Variants in OR1L8 observed in about 807,000 individuals in gnomAD.
OR1L8 encodes olfactory receptor 1L8.
For synonymous variants in OR1L8, 148 were observed against 147.0 expected, an observed-to-expected ratio of 1.01 and a Z score of -0.05; for missense variants, 330 against 377.4, an observed-to-expected ratio of 0.87 and a Z score of 1.04.
rs948904073 is a variant in OR1L8 at position 122,567,359 on chromosome 9, G to A, written c.*189C>T. The A allele has an allele frequency of 3.1e-5, 14 of 454,372 alleles. No individual in the cohort carries two copies. The highest frequency in any genetic ancestry group is 3.0e-4 in the Admixed American group (8 of 26,342). 28.1% of individuals were successfully genotyped at this position (454,372 alleles called of 1,614,324 possible). ...GAAAGAGGAGACACAGACAGGAAAC[G>A]ATTGTGATTTAAGAGATACAGGCCG... is the stretch of plus-strand genomic sequence containing the variant. On this transcript the variant is annotated 3_prime_UTR_variant, in exon 5 of 5. Transcript: ENST00000641027.
intron 4 of OR1L8, among the ~76,000 whole-genome samples, chr9:122,569,725 A>C (rs568611881): frequency 1.5e-4 from 23 of 152,058 alleles, no homozygotes; most frequent in African/African-American, 5.5e-4. Context: ...CATGTGCACA[A>C]TGTGCAAGTT....
chr9:122,579,832 T>G (rs569897290), intron 1 of OR1L8, among the ~76,000 whole-genome samples: 1 of 152,144 alleles, frequency 6.6e-6, no homozygotes, highest in Non-Finnish European at 1.5e-5. Context: ...ACCAGGAAAT[T>G]GAGTGCTTAC....
the OR1L8 span, among the ~76,000 whole-genome samples, chr9:122,558,113 G>C: frequency 3.8e-4 from 58 of 151,606 alleles, no homozygotes; most frequent in African/African-American, 1.4e-3. Context: ...TCCTTAGTTA[G>C]ACTTATTAAT....
chr9:122,550,257 A>G, the OR1L8 span, among the ~76,000 whole-genome samples: 3 of 152,252 alleles, frequency 2.0e-5, no homozygotes, highest in South Asian at 4.1e-4. Context: ...GAATCATACA[A>G]TCTCCCAACA....
At chr9:122,572,725 A>G (rs1259800170) in intron 4 of OR1L8, 55 bp downstream of exon 4, 3 of 152,232 alleles carry the variant, frequency 2.0e-5, no homozygotes, top group South Asian at 4.1e-4. Context: ...CAGAAAGGAA[A>G]GAGAAAGTGC....
chr9:122,568,655 A>T lies in OR1L8; in HGVS notation c.-178T>A. On this transcript the variant is annotated 5_prime_UTR_variant, in exon 5 of 5. The change creates a new upstream start codon in the 5' untranslated region. Coordinates refer to ENST00000641027, the MANE Select transcript of OR1L8 (RefSeq NM_001004454.2). ...TCCTTGATGGGGTCCTCCCTTCCCA[A>T]ATCTATGGGCTCCATAAGGGCATTA... 1.9e-6 allele frequency: 1 copy of T among 531,970 alleles called. No individual in the cohort carries two copies. The highest frequency in any genetic ancestry group is 1.9e-5 in the African/African-American group (1 of 52,824). 33.0% of individuals were successfully genotyped at this position (531,970 alleles called of 1,614,324 possible). A position where few individuals can be genotyped will look rare whatever the true frequency, so the allele number is the denominator to read the frequency against.
the OR1L8 span, chr9:122,554,080 C>G: frequency 6.2e-7 from 1 of 1,613,264 alleles, no homozygotes; most frequent in South Asian, 1.1e-5. Context: ...ACGCTAAACC[C>G]ATTCATTTAT....
downstream of OR1L8, among the ~76,000 whole-genome samples, chr9:122,562,214 A>C (rs1448952351): frequency 6.6e-6 from 1 of 152,202 alleles, no homozygotes; most frequent in Non-Finnish European, 1.5e-5. Context: ...GGAGCTATAG[A>C]GATGGCTGCC....
chr9:122,580,945 T>C (rs1157596520), intron 1 of OR1L8, among the ~76,000 whole-genome samples: 1 of 152,154 alleles, frequency 6.6e-6, no homozygotes, highest in Non-Finnish European at 1.5e-5. Flanking sequence ...TAAAATAAGG[T>C]CCTAGAATGA....
At chr9:122,564,617 G>T (rs1588212525), downstream of OR1L8, among the ~76,000 whole-genome samples, 1 of 152,212 alleles carries the variant, frequency 6.6e-6, no homozygotes, top group East Asian at 1.9e-4. Flanking sequence ...GGATCCTGGA[G>T]AATGACAGTG....
chr9:122,568,234 T>C lies in OR1L8; in HGVS notation c.244A>G (p.Met82Val), dbSNP rs751853224. The change falls in exon 5 of 5, where the codon ATG (methionine) becomes GTG (valine). Residue 82 changes from methionine (M) to valine (V), a missense_variant. Met to Val is a conservative substitution (Grantham distance 21). Transcript: ENST00000641027. ...TTTTCTGACAGGAAGTTCATCAGCA[T>C]CTTGGGGACAACGCTTGTTGTAAAG... ...ICFTTSVVPK[M>V]LMNFLSEKKT... 2.5e-6 allele frequency: 4 copies of C among 1,614,018 alleles called. No homozygotes were observed.
chr9:122,560,993 A>G, the OR1L8 span, among the ~76,000 whole-genome samples: 1 of 152,140 alleles, frequency 6.6e-6, no homozygotes, highest in Non-Finnish European at 1.5e-5. Context: ...CTTTTTACAT[A>G]GTCCCATATT....
At chr9:122,573,954 G>C (rs954234829) in intron 3 of OR1L8, among the ~76,000 whole-genome samples, 1 of 152,132 alleles carries the variant, frequency 6.6e-6, no homozygotes, top group Admixed American at 6.5e-5. Flanking sequence ...GTATGTGGAC[G>C]TCCAGATAAT....
downstream of OR1L8, among the ~76,000 whole-genome samples, chr9:122,566,657 A>G (rs969311689): frequency 6.6e-6 from 1 of 152,176 alleles, no homozygotes; most frequent in African/African-American, 2.4e-5. Flanking sequence ...ATAAACTGGG[A>G]TTTCCCTGAA....
At chr9:122,565,923 A>C (rs1829421156), downstream of OR1L8, among the ~76,000 whole-genome samples, 1 of 152,218 alleles carries the variant, frequency 6.6e-6, no homozygotes, top group Non-Finnish European at 1.5e-5. Context: ...GGCTTGGAGT[A>C]AAGTAGGTGG....
At position 122,577,178 on chromosome 9, in the gene OR1L8, C is replaced by CT. The variant is rs541715136; in HGVS notation, c.-477-278dup. Among the ~76,000 whole-genome samples the CT allele has an allele frequency of 2.6e-3, 391 of 151,998 alleles. 2 individuals carry two copies. Among genetic ancestry groups the CT allele is most frequent in the Admixed American group, 5.4e-3 (82 of 15,262 alleles). On this transcript the variant is annotated intron_variant, in intron 2 of 4. Coordinates refer to ENST00000641027, the MANE Select transcript of OR1L8 (RefSeq NM_001004454.2). ...AAAATATTTGTTTCTATGACCTAGT[C>CT]TTTTTTTTAACCTCTAAAGAAGCAT...
intron 1 of OR1L8, among the ~76,000 whole-genome samples, chr9:122,583,044 CAG>C (rs1829757879): frequency 6.6e-6 from 1 of 151,616 alleles, no homozygotes; most frequent in Admixed American, 6.6e-5. Context: ...ATAATATAAT[CAG>C]AGACTCAATA....
chr9:122,581,890 C>T (rs1364626880), intron 1 of OR1L8, among the ~76,000 whole-genome samples: 3 of 151,940 alleles, frequency 2.0e-5, no homozygotes, highest in Admixed American at 6.6e-5. Context: ...CCAGCCTGGG[C>T]GATACAGTGA....
chr9:122,582,530 A>G (rs1383500317), intron 1 of OR1L8, among the ~76,000 whole-genome samples: 1 of 151,838 alleles, frequency 6.6e-6, no homozygotes, highest in East Asian at 1.9e-4. Flanking sequence ...AGCATGGGCA[A>G]CATAGCAAGA....
Sources: allele counts gnomAD v4.1 joint callset (sites outside exome capture counted in the v4.1 genomes callset), GRCh38; gene constraint gnomAD v4.1.1; transcripts MANE v1.5; gene names NCBI Gene and HGNC (gene_info 2026-07-23, HGNC 2026-07-21).